Variants in FAM234B observed in about 807,000 individuals in gnomAD.
FAM234B encodes the protein protein FAM234B.
FAM234B carries 33 observed loss-of-function variants against 69.3 expected under a neutral mutation model. The observed-to-expected ratio is 0.48, with a 90% CI of 0.36 to 0.64. The LOEUF is 0.64. FAM234B is among the 30% of genes least tolerant of loss of function. FAM234B has a pLI of 0.00. For missense variants in FAM234B, 697 were observed against 769.7 expected (o/e 0.91, Z 1.12); for synonymous variants, 306 against 306.9 (o/e 1.00, Z 0.03).
chr12:13,067,017 C>T lies in FAM234B; in HGVS notation c.1001-138C>T, dbSNP rs916550822. On this transcript the variant is annotated intron_variant, in intron 6 of 12. Coordinates refer to ENST00000197268, the MANE Select transcript of FAM234B (RefSeq NM_020853.2). The surrounding 1 kb of genome is among the most constrained non-coding windows in gnomAD (Gnocchi z 4.7). Reference sequence around the variant, plus strand: ...TCCAGCACCCACTTAATCACCTCCCCACTTGTTCCGTGTTGTCCAGTCTGG... The same window carrying T: ...TCCAGCACCCACTTAATCACCTCCCTACTTGTTCCGTGTTGTCCAGTCTGG... 2.8e-6 allele frequency: 3 copies of T among 1,052,968 alleles called. No individual in the cohort carries two copies. Among genetic ancestry groups the T allele is most frequent in the African/African-American group, 1.6e-5 (1 of 62,974 alleles). The allele number at this position is 1,052,968 out of a possible 1,614,324, so 65.2% of individuals were successfully genotyped here.
intron 10 of FAM234B, among the ~76,000 whole-genome samples, chr12:13,074,132 A>G (rs890024443): frequency 3.3e-5 from 5 of 152,350 alleles, no homozygotes; most frequent in South Asian, 4.1e-4. Flanking sequence ...CTGTTCAGGC[A>G]TGTTATAACA....
intron 1 of FAM234B, among the ~76,000 whole-genome samples, chr12:13,054,328 A>G (rs192874406): frequency 1.3e-5 from 2 of 152,346 alleles, no homozygotes; most frequent in African/African-American, 4.8e-5. Flanking sequence ...TTGGGAACTG[A>G]TAAGTGTCCA....
In FAM234B at chr12:13,067,399, T is replaced by C. The variant is rs1343008661; in HGVS notation, c.1142+103T>C. The C allele has an allele frequency of 1.6e-6, 2 of 1,222,502 alleles. No homozygotes were observed. The highest frequency in any genetic ancestry group is 2.4e-6 in the Non-Finnish European group (2 of 849,550). The allele number at this position is 1,222,502 out of a possible 1,614,324, so 75.7% of individuals were successfully genotyped here. On this transcript the variant is annotated intron_variant, in intron 7 of 12. Coordinates refer to ENST00000197268, the MANE Select transcript of FAM234B (RefSeq NM_020853.2). The surrounding 1 kb of genome is among the most constrained non-coding windows in gnomAD (Gnocchi z 4.7). ...GGCTGGTGAATATGTGGGTAGAGGT[T>C]TAGGGGAAACAGTGCTTATCTTAAT...
intron 1 of FAM234B, among the ~76,000 whole-genome samples, chr12:13,052,132 T>C (rs1861970356): frequency 6.6e-6 from 1 of 152,150 alleles, no homozygotes; most frequent in Non-Finnish European, 1.5e-5. Context: ...AGGACTTACA[T>C]GTGAGAGAGG....
intron 5 of FAM234B, among the ~76,000 whole-genome samples, chr12:13,065,425 G>C (rs568953008): frequency 1.3e-5 from 2 of 152,072 alleles, no homozygotes. Context: ...TTTATTTGTA[G>C]TATAATTAAT....
intron 10 of FAM234B, among the ~76,000 whole-genome samples, chr12:13,073,855 G>C (rs1235580542): frequency 6.6e-6 from 1 of 152,174 alleles, no homozygotes; most frequent in African/African-American, 2.4e-5. Flanking sequence ...AAATTGTTGA[G>C]GATGGTCTGC....
intron 6 of FAM234B, 170 bp from the exon 7 acceptor site, chr12:13,066,985 A>T: frequency 1.1e-6 from 1 of 918,666 alleles, no homozygotes; most frequent in South Asian, 1.7e-5. Context: ...TGAAGGGAAG[A>T]CTCTTGTCCA....
chr12:13,067,229 C>A lies in FAM234B; in HGVS notation c.1075C>A (p.Gln359Lys). ...TCGAGACAGCTCACCACCTTCTCTGCAGATAGAAGAGCCAGAATGGGAAAA... is the reference window on the plus strand; with the variant it reads ...TCGAGACAGCTCACCACCTTCTCTGAAGATAGAAGAGCCAGAATGGGAAAA... Reference protein sequence around the residue: ...QNRDSSPPSLQIEEPEWEKRR... With the variant: ...QNRDSSPPSLKIEEPEWEKRR... The change falls in exon 7 of 13, where the codon CAG becomes AAG. Residue 359 changes from glutamine to lysine, a missense_variant. Physicochemically the swap from Gln to Lys is moderately conservative, Grantham distance 53. Coordinates refer to ENST00000197268, the MANE Select transcript of FAM234B (RefSeq NM_020853.2). This position sits in a 1 kb window ranked among gnomAD's most constrained non-coding sequence, Gnocchi z 4.7. 1 of 1,614,024 alleles carries A rather than the reference C, an allele frequency of 6.2e-7. No individual in the cohort carries two copies. The highest frequency in any genetic ancestry group is 8.5e-7 in the Non-Finnish European group (1 of 1,179,880).
intron 2 of FAM234B, among the ~76,000 whole-genome samples, chr12:13,058,074 G>A (rs1337025826): frequency 6.6e-6 from 1 of 152,186 alleles, no homozygotes; most frequent in African/African-American, 2.4e-5. Flanking sequence ...CTTTTGGCTA[G>A]GGAAGGCAGC....
chr12:13,050,048 A>G (rs1864859256), intron 1 of FAM234B, among the ~76,000 whole-genome samples: 1 of 152,080 alleles, frequency 6.6e-6, no homozygotes, highest in Non-Finnish European at 1.5e-5. Context: ...GGATGTCTCT[A>G]TCCTGGCTAG....
rs1260334740 is a variant in FAM234B, at chr12:13,058,691, CT to C, written c.532+143del. The C allele has an allele frequency of 8.5e-6, 6 of 706,436 alleles. No individual in the cohort carries two copies. The African/African-American group carries it at 8.9e-5, about 10-fold the overall frequency. 43.8% of individuals were successfully genotyped at this position (706,436 alleles called of 1,614,324 possible). A position where few individuals can be genotyped will look rare whatever the true frequency, so the allele number is the denominator to read the frequency against. On this transcript the variant is annotated intron_variant, in intron 3 of 12. Transcript: ENST00000197268. ...CATGGTTCTGGCATACATGAAAACC[CT>C]CATCAGAAAGCTTCCACATATAAAT...
intron 1 of FAM234B, among the ~76,000 whole-genome samples, chr12:13,053,638 C>A (rs990658432): frequency 1.3e-5 from 2 of 152,116 alleles, no homozygotes; most frequent in East Asian, 1.9e-4. Flanking sequence ...GATCACAAGG[C>A]AAAGGCAAAG....
chr12:13,066,493 G>C (rs936640829), intron 5 of FAM234B, 147 bp from the exon 6 acceptor site: 1 of 799,358 alleles, frequency 1.3e-6, no homozygotes, highest in Admixed American at 3.2e-5. Flanking sequence ...GAAATAAAGC[G>C]AAGCAGGTTT....
At chr12:13,047,074 G>C (rs1055833222) in intron 1 of FAM234B, among the ~76,000 whole-genome samples, 2 of 152,212 alleles carry the variant, frequency 1.3e-5, no homozygotes, top group African/African-American at 4.8e-5. Context: ...GCTCATTTAT[G>C]AATGTGATAC....
chr12:13,066,798 A>G lies in FAM234B; in HGVS notation c.1000+11A>G. On this transcript the variant is annotated intron_variant, in intron 6 of 12. Transcript: ENST00000197268. ...TCCTGTTTGGCTTTGGTAAGAAGCA[A>G]GGCTAGTTTTTGCTCCTGTTCCCCA... The G allele has an allele frequency of 1.2e-6, 2 of 1,609,842 alleles. No individual in the cohort carries two copies. The highest frequency in any genetic ancestry group is 1.7e-6 in the Non-Finnish European group (2 of 1,177,808).
chr12:13,048,479 C>A (rs1864835842), intron 1 of FAM234B, among the ~76,000 whole-genome samples: 1 of 152,128 alleles, frequency 6.6e-6, no homozygotes, highest in East Asian at 1.9e-4. Context: ...TTTGGCAACT[C>A]TTTAAAATAC....
Position 13,081,143 on chromosome 12 carries a change from C to G in FAM234B, c.*513C>G, listed in dbSNP as rs1865222267. On this transcript the variant is annotated 3_prime_UTR_variant, in exon 13 of 13. Transcript: ENST00000197268. Reference sequence around the variant, plus strand: ...GCCCTACCTCTGATGTTGAGGGCCACTTATTTCTCTCCTTATTCTTTCCCA... The same window carrying G: ...GCCCTACCTCTGATGTTGAGGGCCAGTTATTTCTCTCCTTATTCTTTCCCA... The G allele has an allele frequency of 6.6e-6, 1 of 152,468 alleles. No individual in the cohort carries two copies. Among genetic ancestry groups the G allele is most frequent in the Non-Finnish European group, 1.5e-5 (1 of 68,266 alleles). The allele number at this position is 152,468 out of a possible 1,614,324, so 9.4% of individuals were successfully genotyped here.
intron 1 of FAM234B, among the ~76,000 whole-genome samples, chr12:13,046,836 A>C (rs961367893): frequency 1.8e-4 from 28 of 152,224 alleles, no homozygotes; most frequent in Non-Finnish European, 4.0e-4. Flanking sequence ...GCTCGGGTTC[A>C]AATCCAGTCT....
rs891536301 is a variant in FAM234B, at chr12:13,076,163, G to C, written c.1642+20G>C. ...CAGAGGGTGAGTCCCAGTGCCAGCG[G>C]GAGTCTGTGTACGCAGATGGTGGGA... On this transcript the variant is annotated intron_variant, in intron 11 of 12. Coordinates refer to ENST00000197268, the MANE Select transcript of FAM234B (RefSeq NM_020853.2). The C allele has an allele frequency of 3.2e-6, 5 of 1,548,580 alleles. No individual in the cohort carries two copies. The African/African-American group carries it at 6.8e-5, about 21-fold the overall frequency.
Sources: gnomAD v4.1 joint callset for allele counts (sites outside exome capture counted in the v4.1 genomes callset) on GRCh38, gnomAD v4.1.1 for gene constraint, Gnocchi (gnomAD v3.1) non-coding constraint, MANE v1.5 for transcripts, NCBI Gene and HGNC (gene_info 2026-07-23, HGNC 2026-07-21) for gene names.